The following NSD3 variants were observed in gnomAD, a reference collection of about 807,000 sequenced individuals.
NSD3 encodes nuclear receptor binding SET domain protein 3, also known as histone-lysine N-methyltransferase NSD3.
In NSD3, 24 loss-of-function variants were observed where a neutral mutation model predicts 160.8. The ratio of observed to expected loss-of-function variants is 0.15; its 90% CI spans 0.11 to 0.21. The LOEUF (loss-of-function observed/expected upper bound fraction) is 0.21, where lower values mean the gene tolerates loss of function less well. Ranked by LOEUF, NSD3 falls within the 10% of genes least tolerant of loss-of-function variation. NSD3 has a pLI of 1.00. For synonymous variants in NSD3, 520 were observed against 600.0 expected (o/e 0.87, Z 1.95); for missense variants, 1,157 against 1,735.9 (o/e 0.67, Z 5.93).
chr8:38,325,496 C>G, intron 7 of NSD3, among the ~76,000 whole-genome samples: 1 of 152,120 alleles, frequency 6.6e-6, no homozygotes, highest in East Asian at 1.9e-4. Flanking sequence ...TACAGAAATA[C>G]TACTAATATA....
rs1022444380 is a variant in NSD3, at chr8:38,289,500, C to T, written c.3124G>A (p.Glu1042Lys). ...TCCTGGAAACGTTTTGCAGCTTCTTCCAGTGCTGCCAATAAGATGATACAA... is the reference window on the plus strand; with the variant it reads ...TCCTGGAAACGTTTTGCAGCTTCTTTCAGTGCTGCCAATAAGATGATACAA... The part of the protein sequence containing the change: ...SINKTFKKAL[E>K]EAAKRFQELK... Residue 1042 changes from glutamate (E) to lysine (K), a missense_variant, in exon 18 of 24, where the codon GAA (glutamate) becomes AAA (lysine). Coordinates refer to ENST00000317025, the MANE Select transcript of NSD3 (RefSeq NM_023034.2). 3 of 1,612,760 alleles carry T rather than the reference C, an allele frequency of 1.9e-6. No homozygotes were observed. Among genetic ancestry groups the T allele is most frequent in the Non-Finnish European group, 2.5e-6 (3 of 1,179,592 alleles).
chr8:38,348,617 T>C (rs898545119), intron 1 of NSD3, among the ~76,000 whole-genome samples: 3 of 152,242 alleles, frequency 2.0e-5, no homozygotes, highest in African/African-American at 7.2e-5. Context: ...CATTCATATT[T>C]TGTCCAGTGG....
chr8:38,278,453 G>T, intron 21 of NSD3, 41 bp from the exon 22 acceptor site: 1 of 1,541,752 alleles, frequency 6.5e-7, no homozygotes. Context: ...TCGAGTCATG[G>T]GGAAGAGAAA....
chr8:38,307,677 A>T (rs2131012794), intron 12 of NSD3, among the ~76,000 whole-genome samples: 1 of 152,304 alleles, frequency 6.6e-6, no homozygotes, highest in Non-Finnish European at 1.5e-5. Flanking sequence ...CAATGGTATG[A>T]CAGATTTGTA....
chr8:38,354,916 T>C (rs1170792954), intron 1 of NSD3, among the ~76,000 whole-genome samples: 3 of 152,224 alleles, frequency 2.0e-5, no homozygotes, highest in Non-Finnish European at 4.4e-5. Context: ...TACTTCTTCA[T>C]ATTATGCCTC....
chr8:38,281,498 A>G lies in NSD3; in HGVS notation c.3587T>C (p.Val1196Ala). The change falls in exon 20 of 24, where the codon GTA becomes GCA. Residue 1196 changes from valine to alanine, a missense_variant. This residue lies in a region of NSD3 where 222 missense variants were observed against 409.9 expected (regional missense o/e 0.54). Coordinates refer to ENST00000317025, the MANE Select transcript of NSD3 (RefSeq NM_023034.2). ...AACAGTTAACATATAAAAATTAGTT[A>G]CACTGTTCTCGTGGGCTCGCTTGAT... The part of the protein sequence containing the change: ...LRIKRAHENS[V>A]TNFYMLTVTK... 6.4e-7 allele frequency: 1 copy of G among 1,551,868 alleles called. No individual in the cohort carries two copies. The highest frequency in any genetic ancestry group is 1.2e-5 in the South Asian group (1 of 80,216).
chr8:38,330,716 G>A (rs9298598), intron 5 of NSD3, among the ~76,000 whole-genome samples: 1,675 of 152,308 alleles, frequency 0.011, 37 homozygotes, highest in African/African-American at 0.037. Flanking sequence ...AGTTTTTCAA[G>A]TGTAAAAAAT....
intron 6 of NSD3, among the ~76,000 whole-genome samples, chr8:38,327,480 G>A (rs1211989626): frequency 1.3e-5 from 2 of 152,086 alleles, no homozygotes; most frequent in East Asian, 3.9e-4. Context: ...TCAGCCTCCC[G>A]AGTAGCTGGG....
chr8:38,380,084 C>CA (rs1430905432), intron 1 of NSD3, among the ~76,000 whole-genome samples: 2 of 152,196 alleles, frequency 1.3e-5, no homozygotes, highest in African/African-American at 4.8e-5. Context: ...CTAAGAACTG[C>CA]ATGCCTACTT....
At chr8:38,369,051 A>G (rs1811174013) in intron 1 of NSD3, among the ~76,000 whole-genome samples, 1 of 152,202 alleles carries the variant, frequency 6.6e-6, no homozygotes, top group Admixed American at 6.5e-5. Flanking sequence ...GCCAAAGATG[A>G]TATGTAGTTT....
Position 38,326,749 on chromosome 8 carries a change from T to C in NSD3, c.1689A>G (p.Glu563=). The C allele has an allele frequency of 6.2e-7, 1 of 1,613,698 alleles. No individual in the cohort carries two copies. The highest frequency in any genetic ancestry group is 8.5e-7 in the Non-Finnish European group (1 of 1,179,798). The change falls in exon 7 of 24, where the codon GAA becomes GAG. Residue 563 remains glutamate, a synonymous_variant. Coordinates refer to ENST00000317025, the MANE Select transcript of NSD3 (RefSeq NM_023034.2). The part of the protein sequence containing the change: ...EKPTQSVSSP[E]ATSGSTGSVE... Reference sequence around the variant, plus strand: ...ACCAACCTGTAGAACCAGATGTTGCTTCAGGAGATGATACACTCTGCGTTG... The same window carrying C: ...ACCAACCTGTAGAACCAGATGTTGCCTCAGGAGATGATACACTCTGCGTTG...
chr8:38,378,319 C>A (rs1470818291), intron 1 of NSD3, among the ~76,000 whole-genome samples: 1 of 151,970 alleles, frequency 6.6e-6, no homozygotes, highest in Non-Finnish European at 1.5e-5. Context: ...GCCTGGCCAA[C>A]ATAGTGAAAC....
chr8:38,322,764 T>C (rs942547898), intron 7 of NSD3, among the ~76,000 whole-genome samples: 1 of 152,220 alleles, frequency 6.6e-6, no homozygotes, highest in African/African-American at 2.4e-5. Context: ...AGTACAGTTC[T>C]TCAAACGACA....
intron 7 of NSD3, among the ~76,000 whole-genome samples, chr8:38,324,166 G>A (rs1326106584): frequency 1.3e-5 from 2 of 152,168 alleles, no homozygotes; most frequent in Non-Finnish European, 2.9e-5. Context: ...GACATTGTAA[G>A]TTCATCTTTT....
chr8:38,277,434 C>T (rs867576172), intron 22 of NSD3, among the ~76,000 whole-genome samples: 7 of 152,240 alleles, frequency 4.6e-5, no homozygotes, highest in African/African-American at 1.2e-4. Flanking sequence ...CGTGCCACCA[C>T]GCCCAGCTAA....
In NSD3 at chr8:38,274,027, A is replaced by G. The variant is rs572102772; in HGVS notation, c.*1614T>C. On this transcript the variant is annotated 3_prime_UTR_variant, in exon 24 of 24. Coordinates refer to ENST00000317025, the MANE Select transcript of NSD3 (RefSeq NM_023034.2). ...AATTGATAAGCAAATGGAACACTCA[A>G]TACAGCTGAAGGAATGTGGTAGAGC... is the stretch of plus-strand genomic sequence containing the variant. The G allele has an allele frequency of 3.3e-5, 5 of 152,344 alleles. No individual in the cohort carries two copies. Among genetic ancestry groups the G allele is most frequent in the East Asian group, 3.9e-4 (2 of 5,188 alleles). The allele number at this position is 152,344 out of a possible 1,614,324, so 9.4% of individuals were successfully genotyped here. A position where few individuals can be genotyped will look rare whatever the true frequency, so the allele number is the denominator to read the frequency against.
chr8:38,348,296 A>T, intron 1 of NSD3, 81 bp from the exon 2 acceptor site: 1 of 1,154,274 alleles, frequency 8.7e-7, no homozygotes, highest in Non-Finnish European at 1.2e-6. Flanking sequence ...GGATTAAACT[A>T]AAATGTTTTG....
chr8:38,381,287 C>T (rs1811546669), intron 1 of NSD3, among the ~76,000 whole-genome samples: 1 of 151,982 alleles, frequency 6.6e-6, no homozygotes, highest in South Asian at 2.1e-4. Context: ...TCCACCTTTT[C>T]CTTCACTTCC....
intron 1 of NSD3, among the ~76,000 whole-genome samples, chr8:38,373,722 C>T (rs1168585315): frequency 6.6e-6 from 1 of 151,708 alleles, no homozygotes; most frequent in South Asian, 2.1e-4. Context: ...AAAACGCCTC[C>T]CTATAAGGAT....
Sources: gnomAD v4.1 joint callset for allele counts (sites outside exome capture counted in the v4.1 genomes callset) on GRCh38, gnomAD v4.1.1 for gene constraint, gnomAD v4.1.1 regional missense constraint, MANE v1.5 for transcripts, NCBI Gene and HGNC (gene_info 2026-07-23, HGNC 2026-07-21) for gene names.